MBD5: variants seen among roughly 807,000 people sequenced by gnomAD.
The protein encoded by MBD5 is methyl-CpG binding domain protein 5.
Under a neutral mutation model 117.3 loss-of-function variants are expected in MBD5, and 13 were observed. That is an observed-to-expected ratio of 0.11 (90% CI 0.07 to 0.18). The LOEUF (loss-of-function observed/expected upper bound fraction) is 0.18. Among genes scored for constraint, MBD5 ranks in the 10% least tolerant of loss-of-function variants. The pLI, the probability that MBD5 is intolerant of heterozygous loss-of-function variation, is 1.00. For synonymous variants in MBD5, 727 were observed against 766.4 expected (o/e 0.95, Z 0.85); for missense variants, 1,879 against 2,093.8 (o/e 0.90, Z 2.00).
intron 4 of MBD5, among the ~76,000 whole-genome samples, chr2:148,402,521 A>G (rs1025888102): frequency 1.3e-4 from 19 of 151,886 alleles, no homozygotes; most frequent in East Asian, 7.7e-4. Flanking sequence ...CCTCCCTCCT[A>G]CTTCTCCCCA....
At chr2:148,240,461 G>A (rs929298300) in intron 3 of MBD5, among the ~76,000 whole-genome samples, 1 of 151,460 alleles carries the variant, frequency 6.6e-6, no homozygotes, top group African/African-American at 2.4e-5. Context: ...TGTTGCCCAG[G>A]CTGGTCTCGA....
chr2:148,323,191 C>G (rs1167024234), intron 3 of MBD5, among the ~76,000 whole-genome samples: 1 of 151,988 alleles, frequency 6.6e-6, no homozygotes, highest in Non-Finnish European at 1.5e-5. Context: ...TTTTTTATGG[C>G]TGCATAGTAT....
At chr2:148,187,488 G>T in intron 2 of MBD5, among the ~76,000 whole-genome samples, 1 of 151,992 alleles carries the variant, frequency 6.6e-6, no homozygotes, top group East Asian at 1.9e-4. Flanking sequence ...ACTTCAAATA[G>T]AAAAGAAAAC....
chr2:148,455,359 C>T (rs1362686943), intron 4 of MBD5, among the ~76,000 whole-genome samples: 1 of 152,070 alleles, frequency 6.6e-6, no homozygotes, highest in African/African-American at 2.4e-5. Context: ...GTAAAACCAG[C>T]CTTTTCTTGG....
intron 1 of MBD5, among the ~76,000 whole-genome samples, chr2:148,059,085 A>G (rs961384071): frequency 2.0e-5 from 3 of 152,236 alleles, no homozygotes; most frequent in Non-Finnish European, 4.4e-5. Flanking sequence ...AGAGGTAACA[A>G]CAGAACAAAG....
intron 3 of MBD5, among the ~76,000 whole-genome samples, chr2:148,328,591 G>C (rs1252992479): frequency 6.6e-6 from 1 of 152,246 alleles, no homozygotes; most frequent in Admixed American, 6.5e-5. Flanking sequence ...TCGGGTGGGA[G>C]TGACCCAATT....
intron 3 of MBD5, among the ~76,000 whole-genome samples, chr2:148,331,582 A>G (rs2105056014): frequency 6.6e-6 from 1 of 152,300 alleles, no homozygotes; most frequent in African/African-American, 2.4e-5. Context: ...CTTAAAGTGT[A>G]TACTATTATT....
At chr2:148,386,634 G>A (rs1204211455) in intron 4 of MBD5, among the ~76,000 whole-genome samples, 2 of 148,928 alleles carry the variant, frequency 1.3e-5, no homozygotes, top group East Asian at 2.0e-4. Context: ...CAGGAGAATG[G>A]CGTGAACCCG....
intron 2 of MBD5, among the ~76,000 whole-genome samples, chr2:148,197,788 T>C (rs1432464728): frequency 1.8e-4 from 26 of 142,552 alleles, no homozygotes; most frequent in Non-Finnish European, 3.8e-4. Context: ...TGTCATAGCA[T>C]CTGAGGTTTT....
chr2:148,503,632 T>C (rs1324753094), intron 12 of MBD5, among the ~76,000 whole-genome samples: 1 of 152,206 alleles, frequency 6.6e-6, no homozygotes, highest in African/African-American at 2.4e-5. Context: ...CCTATGTCTC[T>C]ATGTCCCGGA....
chr2:148,445,423 G>C (rs1706467268), intron 4 of MBD5, among the ~76,000 whole-genome samples: 1 of 151,000 alleles, frequency 6.6e-6, no homozygotes, highest in Non-Finnish European at 1.5e-5. Flanking sequence ...TGCTGAGAAT[G>C]ATGGTTTCCA....
At chr2:148,318,908 G>A (rs1015371361) in intron 3 of MBD5, among the ~76,000 whole-genome samples, 5 of 152,054 alleles carry the variant, frequency 3.3e-5, no homozygotes, top group African/African-American at 1.2e-4. Context: ...TAGAGACAGG[G>A]TTTCACTGTG....
chr2:148,176,077 GA>G (rs1698377288), intron 1 of MBD5, among the ~76,000 whole-genome samples: 1 of 152,040 alleles, frequency 6.6e-6, no homozygotes, highest in Admixed American at 6.6e-5. Context: ...TATTAAAAAA[GA>G]TAAACTGCAA....
At position 148,358,492 on chromosome 2, in the gene MBD5, G is replaced by A. The variant is rs534002185; in HGVS notation, c.-557+16156G>A. Among the ~76,000 whole-genome samples the A allele has an allele frequency of 1.3e-5, 2 of 152,026 alleles. 1 individual carries two copies. Among genetic ancestry groups the A allele is most frequent in the South Asian group, 4.2e-4 (2 of 4,810 alleles). ...TTTCTCCTATTATAAAGCAAAATAG[G>A]CTGGGTGCAGTGGCTCACGCCTGTA... On this transcript the variant is annotated intron_variant, in intron 4 of 13. Coordinates refer to ENST00000642680, the MANE Select transcript of MBD5 (RefSeq NM_001378120.1).
chr2:148,372,792 G>A (rs956973072), intron 4 of MBD5, among the ~76,000 whole-genome samples: 5 of 152,096 alleles, frequency 3.3e-5, no homozygotes, highest in South Asian at 4.2e-4. Context: ...CAAGAAACTC[G>A]AAGTGTTTGA....
At chr2:148,456,244 A>C (rs915293158) in intron 4 of MBD5, among the ~76,000 whole-genome samples, 1 of 152,176 alleles carries the variant, frequency 6.6e-6, no homozygotes, top group Non-Finnish European at 1.5e-5. Flanking sequence ...AGATAAAGGC[A>C]CTGGCAGATC....
chr2:148,362,583 C>G (rs2105313619), intron 4 of MBD5, among the ~76,000 whole-genome samples: 1 of 152,330 alleles, frequency 6.6e-6, no homozygotes, highest in South Asian at 2.1e-4. Context: ...AAGGTTCCTT[C>G]CTACTGGCTC....
In MBD5 at chr2:148,463,856, C is replaced by A. The variant is rs1193829280; in HGVS notation, c.334C>A (p.Leu112Ile). 6.2e-7 allele frequency: 1 copy of A among 1,613,610 alleles called. No individual in the cohort carries two copies. The highest frequency in any genetic ancestry group is 1.3e-5 in the African/African-American group (1 of 74,896). ...AAGAAAAATTATTGCAGTGGCCACA[C>A]TTCATAAAAGCATGGAAGCCCCACA... is the stretch of plus-strand genomic sequence containing the variant. ...HKRKIIAVAT[L>I]HKSMEAPHPS... The change falls in exon 7 of 14, where the codon CTT (leucine) becomes ATT (isoleucine). Residue 112 changes from leucine (L) to isoleucine (I), a missense_variant. Physicochemically the swap from Leu to Ile is conservative, Grantham distance 5. Coordinates refer to ENST00000642680, the MANE Select transcript of MBD5 (RefSeq NM_001378120.1).
chr2:148,119,431 A>G (rs1696714600), intron 1 of MBD5, among the ~76,000 whole-genome samples: 1 of 152,290 alleles, frequency 6.6e-6, no homozygotes, highest in African/African-American at 2.4e-5. Context: ...TATGTGATTT[A>G]CAAATATTTT....
Sources: allele counts gnomAD v4.1 joint callset (sites outside exome capture counted in the v4.1 genomes callset), GRCh38; gene constraint gnomAD v4.1.1; transcripts MANE v1.5; gene names NCBI Gene and HGNC (gene_info 2026-07-23, HGNC 2026-07-21).